The following DST variants were observed in gnomAD, a reference collection of about 807,000 sequenced individuals.
DST encodes dystonin.
A neutral mutation model predicts 875.2 loss-of-function variants in DST; 253 were observed. That is an observed-to-expected ratio of 0.29 (90% confidence interval 0.26 to 0.32). DST has a LOEUF of 0.32. Ranked by LOEUF, DST falls within the 10% of genes least tolerant of loss-of-function variation. The pLI, the probability that DST is intolerant of heterozygous loss-of-function variation, is 1.00. For synonymous variants in DST, 3,124 were observed against 3,197.1 expected (o/e 0.98, Z 0.77); for missense variants, 8,287 against 9,111.6 (o/e 0.91, Z 3.68).
At position 56,460,231 on chromosome 6, in the gene DST, CTTGCTTCCTTGTAT is replaced by C; in HGVS notation, c.23080_23093del (p.Ile7694AlafsTer34). The C allele has an allele frequency of 6.2e-7, 1 of 1,613,992 alleles. No homozygotes were observed. Among genetic ancestry groups the C allele is most frequent in the Non-Finnish European group, 8.5e-7 (1 of 1,179,890 alleles). On this transcript the variant is annotated frameshift_variant, in exon 103 of 104. Transcript: ENST00000680361. LOFTEE classifies it high-confidence loss of function. The stretch of plus-strand genomic sequence containing the variant: ...CTGATAAATATCCTGGAAGTCGAAG[CTTGCTTCCTTGTAT>C]TGGCGTTCCCTGTATTTAACCAGCA...
chr6:56,729,478 T>TAC (rs1323590279), intron 5 of DST, among the ~76,000 whole-genome samples: 3 of 151,954 alleles, frequency 2.0e-5, no homozygotes, highest in African/African-American at 7.3e-5. Flanking sequence ...TAATCCCAGC[T>TAC]ACCTGGGAGG....
In DST at chr6:56,532,508, A is replaced by T; in HGVS notation, c.16944T>A (p.Leu5648=). ...TTCGGTCATCCAACAATCTCTGGAG[A>T]AGCTTGAGACAAAACATTAAATATA... The part of the protein sequence containing the change: ...VVKAQIQEQK[L]LQRLLDDRKS... The change falls in exon 64 of 104, where the codon CTT becomes CTA. Residue 5648 remains leucine, a splice_region_variant and synonymous_variant. Coordinates refer to ENST00000680361, the MANE Select transcript of DST (RefSeq NM_001374736.1). The T allele has an allele frequency of 6.3e-7, 1 of 1,588,460 alleles. No individual in the cohort carries two copies. The highest frequency in any genetic ancestry group is 1.2e-5 in the South Asian group (1 of 86,928).
At chr6:56,624,727 C>G in intron 35 of DST, 99 bp from the exon 36 acceptor site, 1 of 765,044 alleles carries the variant, frequency 1.3e-6, no homozygotes. Flanking sequence ...GGCCTTCAGA[C>G]AGCAAAGCAC....
In DST at chr6:56,473,879, C is replaced by G. The variant is rs2095032379; in HGVS notation, c.21988G>C (p.Ala7330Pro). The change falls in exon 93 of 104, where the codon GCA (alanine) becomes CCA (proline). Residue 7330 changes from alanine to proline, a missense_variant. Ala to Pro is a conservative substitution (Grantham distance 27, BLOSUM62 -1). Coordinates refer to ENST00000680361, the MANE Select transcript of DST (RefSeq NM_001374736.1). ...SHIPVLDKGR[A>P]GRKRFPASSL... is the part of the protein sequence containing the mutation. ...GAAATTGATCACTGCTTACTTCCTG[C>G]TCGTCCCTTATCCAAGACTGGAATA... The G allele has an allele frequency of 6.3e-7, 1 of 1,598,952 alleles. No homozygotes were observed. The highest frequency in any genetic ancestry group is 1.3e-5 in the African/African-American group (1 of 74,792).
chr6:56,943,777 A>C (rs2127794607), intron 2 of DST, among the ~76,000 whole-genome samples: 1 of 152,218 alleles, frequency 6.6e-6, no homozygotes, highest in South Asian at 2.1e-4. Context: ...GTATCCATGA[A>C]GTAAACACAG....
Position 56,460,183 on chromosome 6 carries a change from C to T in DST, c.23142G>A (p.Glu7714=), listed in dbSNP as rs753785826. 2 of 1,613,978 alleles carry T rather than the reference C, an allele frequency of 1.2e-6. No homozygotes were observed. Among genetic ancestry groups the T allele is most frequent in the South Asian group, 1.1e-5 (1 of 91,070 alleles). The stretch of plus-strand genomic sequence containing the variant: ...CTGCAGTTGTTATCAAGCCACTGTC[C>T]TCCCCAGAGTGGAAGCCTTTCCCTG... ...YLSGKGFHSG[E]DSGLITTAAA... is the part of the protein sequence containing the mutation. The change falls in exon 103 of 104, where the codon GAG becomes GAA. Residue 7714 remains glutamate, a synonymous_variant. Transcript: ENST00000680361.
In DST at chr6:56,694,054, CAT is replaced by C. The variant is rs201647042; in HGVS notation, c.1047+5597_1047+5598del. Among the ~76,000 whole-genome samples the C allele has an allele frequency of 6.0e-3, 870 of 144,994 alleles. 7 individuals carry two copies. Among genetic ancestry groups the C allele is most frequent in the African/African-American group, 0.021 (806 of 38,426 alleles). Reference sequence around the variant, plus strand: ...ATGTGCATTCATATATATATATATACATATATATATATGTAGTTAAACTTTAT... The same window carrying C: ...ATGTGCATTCATATATATATATATACATATATATATGTAGTTAAACTTTAT... On this transcript the variant is annotated intron_variant, in intron 9 of 103. Coordinates refer to ENST00000680361, the MANE Select transcript of DST (RefSeq NM_001374736.1).
Position 56,563,414 on chromosome 6 carries a change from G to A in DST, c.14006-1214C>T, listed in dbSNP as rs543779354. Among the ~76,000 whole-genome samples the A allele has an allele frequency of 8.7e-3, 1,320 of 152,182 alleles. 9 individuals carry two copies. The highest frequency in any genetic ancestry group is 0.014 in the Non-Finnish European group (958 of 67,996). ...TGAGAAGTGTCTGTTCATATCCTTC[G>A]CCCACTTTTTGATGGGGTTGTTTTT... On this transcript the variant is annotated intron_variant, in intron 55 of 103. Transcript: ENST00000680361.
intron 3 of DST, among the ~76,000 whole-genome samples, chr6:56,880,552 G>A (rs942857645): frequency 6.6e-6 from 1 of 151,810 alleles, no homozygotes; most frequent in Non-Finnish European, 1.5e-5. Flanking sequence ...GCCGGGCGTG[G>A]TACACACACC....
intron 4 of DST, among the ~76,000 whole-genome samples, chr6:56,764,785 C>A (rs966857193): frequency 6.6e-6 from 1 of 152,094 alleles, no homozygotes; most frequent in East Asian, 1.9e-4. Context: ...TGGTGAAACA[C>A]CATCTCTACA....
chr6:56,663,559 C>G (rs184935769), intron 10 of DST, among the ~76,000 whole-genome samples: 1 of 152,196 alleles, frequency 6.6e-6, no homozygotes, highest in African/African-American at 2.4e-5. Context: ...GGCCTCCTCC[C>G]GGTATTAAAC....
intron 49 of DST, among the ~76,000 whole-genome samples, chr6:56,588,807 C>T (rs1228967521): frequency 6.6e-6 from 1 of 152,160 alleles, no homozygotes; most frequent in Admixed American, 6.5e-5. Context: ...AAAAGGCCCA[C>T]CAAACCACGA....
chr6:56,620,290 G>A (rs746018008), intron 36 of DST: 1 of 1,614,068 alleles, frequency 6.2e-7, no homozygotes, highest in South Asian at 1.1e-5. Flanking sequence ...GTGTTCGTCT[G>A]GTAAAGGTGT....
chr6:56,482,806 T>C lies in DST; in HGVS notation c.21279A>G (p.Ile7093Met), dbSNP rs1170142354. 1.2e-6 allele frequency: 2 copies of C among 1,613,778 alleles called. No individual in the cohort carries two copies. Among genetic ancestry groups the C allele is most frequent in the East Asian group, 2.2e-5 (1 of 44,876 alleles). Reference protein sequence around the residue: ...QALKRSARELIEGSRDDSSWV... With the variant: ...QALKRSARELMEGSRDDSSWV... The stretch of plus-strand genomic sequence containing the variant: ...AGGAGGAGTCATCCCGACTGCCTTC[T>C]ATGAGTTCTCGGGCTGAGCGCTTCA... The change falls in exon 89 of 104, where the codon ATA (isoleucine) becomes ATG (methionine). Residue 7093 changes from isoleucine to methionine, a missense_variant. Coordinates refer to ENST00000680361, the MANE Select transcript of DST (RefSeq NM_001374736.1).
In DST at chr6:56,485,468, T is replaced by C; in HGVS notation, c.21051A>G (p.Gln7017=). The change falls in exon 88 of 104, where the codon CAA becomes CAG. Residue 7017 remains glutamine (Q), a synonymous_variant. Coordinates refer to ENST00000680361, the MANE Select transcript of DST (RefSeq NM_001374736.1). ...DTICGKSVER[Q]NKLEEALLFS... Reference sequence around the variant, plus strand: ...ATAACAGGGCTTCCTCCAATTTGTTTTGTCTAGGGAAAAAGGTAGAAAAAT... The same window carrying C: ...ATAACAGGGCTTCCTCCAATTTGTTCTGTCTAGGGAAAAAGGTAGAAAAAT... 1.2e-6 allele frequency: 2 copies of C among 1,613,130 alleles called. No homozygotes were observed. The highest frequency in any genetic ancestry group is 2.2e-5 in the South Asian group (2 of 90,920).
intron 4 of DST, among the ~76,000 whole-genome samples, chr6:56,829,086 G>A (rs2099784064): frequency 6.6e-6 from 1 of 152,084 alleles, no homozygotes; most frequent in African/African-American, 2.4e-5. Context: ...CTGCTAAAGT[G>A]GAATTAAAAG....
At chr6:56,516,200 A>C (rs1356776562) in intron 71 of DST, among the ~76,000 whole-genome samples, 7 of 151,860 alleles carry the variant, frequency 4.6e-5, no homozygotes, top group Admixed American at 4.6e-4. Flanking sequence ...AAAGAGAAGG[A>C]GAAAGAGAAA....
At chr6:56,621,961 A>T (rs908994630) in intron 36 of DST, among the ~76,000 whole-genome samples, 1 of 152,232 alleles carries the variant, frequency 6.6e-6, no homozygotes, top group Non-Finnish European at 1.5e-5. Context: ...AACCTAAATA[A>T]GGTTTCTAAT....
chr6:56,707,637 C>T (rs1202106385), intron 5 of DST, among the ~76,000 whole-genome samples: 1 of 152,206 alleles, frequency 6.6e-6, no homozygotes, highest in African/African-American at 2.4e-5. Context: ...CTATATTCCA[C>T]TTCTTGTGTC....
Sources: gnomAD v4.1 joint callset for allele counts (sites outside exome capture counted in the v4.1 genomes callset) on GRCh38, gnomAD v4.1.1 for gene constraint, MANE v1.5 for transcripts, NCBI Gene and HGNC (gene_info 2026-07-23, HGNC 2026-07-21) for gene names.